Variants in AHCYL2 observed in about 807,000 individuals in gnomAD.
AHCYL2 encodes the protein adenosylhomocysteinase like 2.
Under a neutral mutation model 81.4 loss-of-function variants are expected in AHCYL2, and 28 were observed. The observed-to-expected ratio is 0.34, with a 90% confidence interval of 0.25 to 0.47. AHCYL2 has a LOEUF of 0.47. Among genes scored for constraint, AHCYL2 ranks in the 20% least tolerant of loss-of-function variants. AHCYL2 has a pLI of 1.00. For missense variants in AHCYL2, 551 were observed against 785.1 expected (o/e 0.70, Z 3.56); for synonymous variants, 272 against 290.2 (o/e 0.94, Z 0.64).
At chr7:129,424,981 G>A (rs766128362) in intron 14 of AHCYL2, 39 bp downstream of exon 14, 2 of 1,613,408 alleles carry the variant, frequency 1.2e-6, no homozygotes, top group East Asian at 2.2e-5. Context: ...GTCTGGAGAA[G>A]GTCCTCAGAC....
Position 129,225,273 on chromosome 7 carries a change from G to C in AHCYL2, c.197G>C (p.Gly66Ala). ...AAERPPVPGP[G>A]SGPAAALSPA... The stretch of plus-strand genomic sequence containing the variant: ...GAGCGGCCCCCGGTCCCCGGCCCGG[G>C]CTCGGGGCCCGCCGCCGCTCTCAGC... Residue 66 changes from glycine to alanine, a missense_variant, in exon 1 of 17, where the codon GGC becomes GCC. Gly to Ala is a moderately conservative substitution (Grantham distance 60). This residue lies in a region of AHCYL2 where 235 missense variants were observed against 242.1 expected (regional missense o/e 0.97). Transcript: ENST00000325006. 6.9e-7 allele frequency: 1 copy of C among 1,453,258 alleles called. No individual in the cohort carries two copies. Among genetic ancestry groups the C allele is most frequent in the Non-Finnish European group, 9.0e-7 (1 of 1,111,580 alleles). The allele number at this position is 1,453,258 out of a possible 1,614,324, so 90.0% of individuals were successfully genotyped here.
At chr7:129,285,174 A>G (rs1796585232) in intron 1 of AHCYL2, among the ~76,000 whole-genome samples, 1 of 152,144 alleles carries the variant, frequency 6.6e-6, no homozygotes, top group Non-Finnish European at 1.5e-5. Context: ...GTGTATTTAT[A>G]TATGTAGCCT....
chr7:129,353,362 G>T (rs893030211), intron 1 of AHCYL2, among the ~76,000 whole-genome samples: 1 of 151,966 alleles, frequency 6.6e-6, no homozygotes, highest in Non-Finnish European at 1.5e-5. Flanking sequence ...TCTTACATCA[G>T]GGGTTTTGCA....
At position 129,277,278 on chromosome 7, in the gene AHCYL2, CT is replaced by C. The variant is rs1554473463; in HGVS notation, c.363+51857del. 7.6e-4 allele frequency among the ~76,000 whole-genome samples: 103 copies of C among 135,774 alleles called. 5 individuals are homozygous for C. The highest frequency in any genetic ancestry group is 3.8e-3 in the Middle Eastern group (1 of 262). 89.1% of individuals were successfully genotyped at this position (135,774 alleles called of 152,430 possible). ...TATTTATTACCTCTAAAGTCTCTCT[CT>C]TTTTTTTTTTTTTTTTTGAGATAGA... is the stretch of plus-strand genomic sequence containing the variant. On this transcript the variant is annotated intron_variant, in intron 1 of 16. Coordinates refer to ENST00000325006, the MANE Select transcript of AHCYL2 (RefSeq NM_015328.4).
chr7:129,394,435 T>G (rs1795618063), intron 4 of AHCYL2, among the ~76,000 whole-genome samples: 1 of 147,752 alleles, frequency 6.8e-6, no homozygotes, highest in African/African-American at 2.5e-5. Context: ...GGCATTTGTA[T>G]TTGACTTTTT....
chr7:129,248,457 T>A (rs1795133614), intron 1 of AHCYL2, among the ~76,000 whole-genome samples: 1 of 152,144 alleles, frequency 6.6e-6, no homozygotes, highest in Non-Finnish European at 1.5e-5. Flanking sequence ...TACACTGTAT[T>A]TTTTATTTGT....
rs747726032 is a variant in AHCYL2, at chr7:129,225,469, A to C, written c.363+30A>C. The C allele has an allele frequency of 2.9e-4, 427 of 1,477,866 alleles. 1 individual carries two copies. Among genetic ancestry groups the C allele is most frequent in the Middle Eastern group, 2.7e-3 (15 of 5,462 alleles). The allele number at this position is 1,477,866 out of a possible 1,614,324, so 91.5% of individuals were successfully genotyped here. A position where few individuals can be genotyped will look rare whatever the true frequency, so the allele number is the denominator to read the frequency against. Reference sequence around the variant, plus strand: ...TGGGGCCGGGCTGCCTCTCTAGGAGAGGAAGGGAGGGGAGGGGAACTGCAG... The same window carrying C: ...TGGGGCCGGGCTGCCTCTCTAGGAGCGGAAGGGAGGGGAGGGGAACTGCAG... On this transcript the variant is annotated intron_variant, in intron 1 of 16. Coordinates refer to ENST00000325006, the MANE Select transcript of AHCYL2 (RefSeq NM_015328.4).
intron 11 of AHCYL2, chr7:129,410,184 C>T: frequency 1.2e-6 from 2 of 1,611,862 alleles, no homozygotes; most frequent in South Asian, 1.1e-5. Context: ...CCAATCCGAT[C>T]ATTGATCATT....
At position 129,415,833 on chromosome 7, in the gene AHCYL2, C is replaced by T. The variant is rs573333503; in HGVS notation, c.1461+2145C>T. On this transcript the variant is annotated intron_variant, in intron 12 of 16. Transcript: ENST00000325006. ...ATTAGTTGGGTGTGGTGGCTTGCACCTGTAGTACCAGCCTGGCCAACATGA... is the reference window on the plus strand; with the variant it reads ...ATTAGTTGGGTGTGGTGGCTTGCACTTGTAGTACCAGCCTGGCCAACATGA... 6.7e-4 allele frequency among the ~76,000 whole-genome samples: 102 copies of T among 151,932 alleles called. 3 individuals carry two copies. Among genetic ancestry groups the T allele is most frequent in the Middle Eastern group, 3.4e-3 (1 of 294 alleles).
chr7:129,302,162 G>A (rs1797278385), intron 1 of AHCYL2, among the ~76,000 whole-genome samples: 1 of 152,036 alleles, frequency 6.6e-6, no homozygotes, highest in Non-Finnish European at 1.5e-5. Flanking sequence ...TTACTTCCTT[G>A]ATTTCTTTTT....
chr7:129,360,567 A>G (rs1793897488), intron 1 of AHCYL2, among the ~76,000 whole-genome samples: 1 of 152,244 alleles, frequency 6.6e-6, no homozygotes, highest in South Asian at 2.1e-4. Context: ...CAATTATAGT[A>G]TCAATGCTGA....
At position 129,413,705 on chromosome 7, in the gene AHCYL2, C is replaced by A. The variant is rs925434037; in HGVS notation, c.1461+17C>A. On this transcript the variant is annotated intron_variant, in intron 12 of 16. Transcript: ENST00000325006. The stretch of plus-strand genomic sequence containing the variant: ...ATTGACGTGGTAAGATCAAGTAGCT[C>A]ATTATTGGGGGCTTTTTTCTCTCCT... 4 of 1,605,484 alleles carry A rather than the reference C, an allele frequency of 2.5e-6. No homozygotes were observed. In the African/African-American group the frequency reaches 5.4e-5, roughly 21 times the overall value.
intron 4 of AHCYL2, among the ~76,000 whole-genome samples, chr7:129,394,900 A>G (rs975974921): frequency 6.6e-6 from 1 of 152,226 alleles, no homozygotes; most frequent in Non-Finnish European, 1.5e-5. Flanking sequence ...ATAAATAAAT[A>G]ACATAAACAT....
chr7:129,413,779 T>C, intron 12 of AHCYL2, 91 bp downstream of exon 12: 2 of 1,011,626 alleles, frequency 2.0e-6, no homozygotes, highest in Non-Finnish European at 3.1e-6. Flanking sequence ...CAAGCCATCC[T>C]AAACATGACT....
intron 1 of AHCYL2, among the ~76,000 whole-genome samples, chr7:129,343,502 T>C (rs1379535811): frequency 1.3e-5 from 2 of 152,100 alleles, no homozygotes; most frequent in Non-Finnish European, 2.9e-5. Flanking sequence ...AGGGGGAGCT[T>C]AGAGCAATGG....
intron 1 of AHCYL2, among the ~76,000 whole-genome samples, chr7:129,260,008 G>A (rs944306382): frequency 6.6e-6 from 1 of 150,724 alleles, no homozygotes; most frequent in Non-Finnish European, 1.5e-5. Context: ...CCCAGGAGGC[G>A]AAGGTTGCAG....
At chr7:129,264,498 GA>G (rs1795750833) in intron 1 of AHCYL2, among the ~76,000 whole-genome samples, 2 of 152,194 alleles carry the variant, frequency 1.3e-5, no homozygotes, top group Non-Finnish European at 2.9e-5. Context: ...AGGAAGAAAG[GA>G]GATGACCGAG....
At chr7:129,306,557 G>T (rs1304449841) in intron 1 of AHCYL2, among the ~76,000 whole-genome samples, 1 of 149,900 alleles carries the variant, frequency 6.7e-6, no homozygotes, top group Admixed American at 6.6e-5. Context: ...TGTCTGAAAG[G>T]TCACATATCT....
At chr7:129,414,839 A>G (rs917052870) in intron 12 of AHCYL2, among the ~76,000 whole-genome samples, 1 of 152,158 alleles carries the variant, frequency 6.6e-6, no homozygotes, top group Admixed American at 6.5e-5. Context: ...TAACTGGCTT[A>G]AGCAAAGTAT....
Sources: allele counts gnomAD v4.1 joint callset (sites outside exome capture counted in the v4.1 genomes callset), GRCh38; gene constraint gnomAD v4.1.1; regional missense constraint gnomAD v4.1.1; transcripts MANE v1.5; gene names NCBI Gene and HGNC (gene_info 2026-07-23, HGNC 2026-07-21).